Variants in OR13G1 observed in about 807,000 individuals in gnomAD.
OR13G1 encodes olfactory receptor family 13 subfamily G member 1.
For missense variants in OR13G1, 369 were observed against 385.7 expected (o/e 0.96, Z 0.36); for synonymous variants, 128 against 136.2 (o/e 0.94, Z 0.42).
Position 247,672,522 on chromosome 1 carries a change from A to G in OR13G1, c.520T>C (p.Phe174Leu). The G allele has an allele frequency of 6.2e-7, 1 of 1,614,144 alleles. No individual in the cohort carries two copies. The highest frequency in any genetic ancestry group is 1.1e-5 in the South Asian group (1 of 91,082). ...AGCAATGGGGGTATCTCACAGAAGA[A>G]GTGGTCAATGGTGTTTGGCCCACAG... ...TFCGPNTIDH[F>L]FCEIPPLLAL... The change falls in exon 2 of 2, where the codon TTC (phenylalanine) becomes CTC (leucine). Residue 174 changes from phenylalanine (F) to leucine (L), a missense_variant. Phe to Leu is a conservative substitution (Grantham distance 22). Transcript: ENST00000642119.
intron 1 of OR13G1, among the ~76,000 whole-genome samples, chr1:247,677,483 C>T (rs1252324124): frequency 6.6e-6 from 1 of 152,106 alleles, no homozygotes; most frequent in East Asian, 1.9e-4. Flanking sequence ...CAGGCACCAC[C>T]TGGTTTGTAG....
chr1:247,672,150 T>C lies in OR13G1; in HGVS notation c.892A>G (p.Ile298Val). The change falls in exon 2 of 2, where the codon ATT becomes GTT. Residue 298 changes from isoleucine (I) to valine (V), a missense_variant. Ile to Val is a conservative substitution (Grantham distance 29). Transcript: ENST00000642119. ...SFQNREMQAG[I>V]RKVFAFLKH ...TTCAGAAATGCAAACACCTTCCTAA[T>C]TCCTGCCTGCATCTCCCTATTCTGG... 1 of 1,613,928 alleles carries C rather than the reference T, an allele frequency of 6.2e-7. No homozygotes were observed. The highest frequency in any genetic ancestry group is 8.5e-7 in the Non-Finnish European group (1 of 1,179,916).
At chr1:247,673,627 A>G (rs1271546555) in intron 1 of OR13G1, among the ~76,000 whole-genome samples, 2 of 152,160 alleles carry the variant, frequency 1.3e-5, no homozygotes, top group Admixed American at 6.5e-5. Context: ...AACATTGACT[A>G]ATGTATCACA....
intron 1 of OR13G1, among the ~76,000 whole-genome samples, chr1:247,678,248 C>T (rs1327459085): frequency 6.6e-6 from 1 of 152,200 alleles, no homozygotes; most frequent in Non-Finnish European, 1.5e-5. Context: ...ACAAAATTCA[C>T]TCATGTTGCA....
At position 247,672,334 on chromosome 1, in the gene OR13G1, T is replaced by G. The variant is rs758214140; in HGVS notation, c.708A>C (p.Ser236=). The change falls in exon 2 of 2, where the codon TCA becomes TCC. Residue 236 remains serine (S), a synonymous_variant. Transcript: ENST00000642119. ...CCACTGTGAGATGAGATGAGCATGT[T>G]GAGAAGGCCTTCCTCTTGCCTTCTA... ...RTVEGKRKAF[S]TCSSHLTVVT... is the part of the protein sequence containing the mutation. The G allele has an allele frequency of 1.9e-6, 3 of 1,613,986 alleles. No individual in the cohort carries two copies. In the South Asian group the frequency reaches 3.3e-5, roughly 18 times the overall value.
chr1:247,674,347 G>T (rs1433122103), intron 1 of OR13G1, among the ~76,000 whole-genome samples: 1 of 152,110 alleles, frequency 6.6e-6, no homozygotes, highest in Non-Finnish European at 1.5e-5. Context: ...AGTTTTCAGA[G>T]ATCATATTGT....
At position 247,671,341 on chromosome 1, in the gene OR13G1, G is replaced by A. The variant is rs1358912534; in HGVS notation, c.*777C>T. ...ACTTGGGTTATGGATGAGACGCCTA[G>A]TAATACAAAAGCCATTCATGATCCT... is the stretch of plus-strand genomic sequence containing the variant. On this transcript the variant is annotated 3_prime_UTR_variant, in exon 2 of 2. Coordinates refer to ENST00000642119, the MANE Select transcript of OR13G1 (RefSeq NM_001005487.2). 1 of 151,954 alleles carries A rather than the reference G, an allele frequency of 6.6e-6. No homozygotes were observed. The highest frequency in any genetic ancestry group is 1.5e-5 in the Non-Finnish European group (1 of 68,000). 9.4% of individuals were successfully genotyped at this position (151,954 alleles called of 1,614,324 possible).
intron 1 of OR13G1, among the ~76,000 whole-genome samples, chr1:247,676,262 A>T (rs73132908): frequency 0.011 from 1,617 of 152,252 alleles, 34 homozygotes; most frequent in African/African-American, 0.037. Flanking sequence ...AGGTAAAAAT[A>T]ATTATTATTT....
In OR13G1 at chr1:247,672,188, A is replaced by G. The variant is rs1480154698; in HGVS notation, c.854T>C (p.Met285Thr). Residue 285 changes from methionine (M) to threonine (T), a missense_variant, in exon 2 of 2, where the codon ATG (methionine) becomes ACG (threonine). By Grantham distance (81) the Met-to-Thr change is moderately conservative (BLOSUM62 -1). Coordinates refer to ENST00000642119, the MANE Select transcript of OR13G1 (RefSeq NM_001005487.2). Reference sequence around the variant, plus strand: ...CTCCCTATTCTGGAAGCTGTACACCATCGGGTTTAATGTGGGAGTCACAAG... The same window carrying G: ...CTCCCTATTCTGGAAGCTGTACACCGTCGGGTTTAATGTGGGAGTCACAAG... Reference protein sequence around the residue: ...YTLVTPTLNPMVYSFQNREMQ... With the variant: ...YTLVTPTLNPTVYSFQNREMQ... 1 of 1,614,084 alleles carries G rather than the reference A, an allele frequency of 6.2e-7. No individual in the cohort carries two copies. Among genetic ancestry groups the G allele is most frequent in the Non-Finnish European group, 8.5e-7 (1 of 1,179,978 alleles).
In OR13G1 at chr1:247,672,564, T is replaced by A; in HGVS notation, c.478A>T (p.Ile160Phe). The change falls in exon 2 of 2, where the codon ATC becomes TTC. Residue 160 changes from isoleucine to phenylalanine, a missense_variant. Physicochemically the swap from Ile to Phe is conservative, Grantham distance 21 (BLOSUM62 0). Coordinates refer to ENST00000642119, the MANE Select transcript of OR13G1 (RefSeq NM_001005487.2). Reference protein sequence around the residue: ...VTNSWVHTALIMRLTFCGPNT... With the variant: ...VTNSWVHTALFMRLTFCGPNT... ...GGCCCACAGAAAGTCAACCTCATGA[T>A]AAGAGCTGTGTGCACCCAGGAATTG... 2 of 1,614,026 alleles carry A rather than the reference T, an allele frequency of 1.2e-6. No homozygotes were observed. The highest frequency in any genetic ancestry group is 8.5e-7 in the Non-Finnish European group (1 of 1,180,012).
intron 1 of OR13G1, among the ~76,000 whole-genome samples, 154 bp downstream of exon 1, chr1:247,679,486 T>TG (rs1659421160): frequency 6.9e-6 from 1 of 144,520 alleles, no homozygotes; most frequent in Non-Finnish European, 1.5e-5. Context: ...CGCGGATGGA[T>TG]TGTGTGTGTG....
chr1:247,677,805 A>G (rs1411996295), intron 1 of OR13G1, among the ~76,000 whole-genome samples: 1 of 152,192 alleles, frequency 6.6e-6, no homozygotes, highest in African/African-American at 2.4e-5. Flanking sequence ...TCATGAGGAT[A>G]AGTTTAAGAA....
chr1:247,674,939 G>A (rs1274591678), intron 1 of OR13G1, among the ~76,000 whole-genome samples: 1 of 152,016 alleles, frequency 6.6e-6, no homozygotes. Flanking sequence ...TTTTGAATAC[G>A]AGATGATTTG....
At chr1:247,679,614 T>TA (rs1659424626) in intron 1 of OR13G1, 26 bp downstream of exon 1, 1 of 151,906 alleles carries the variant, frequency 6.6e-6, no homozygotes, top group African/African-American at 2.4e-5. Context: ...ACTTAAGAAT[T>TA]AGACAGTCTG....
At chr1:247,674,606 C>A (rs1029091812) in intron 1 of OR13G1, among the ~76,000 whole-genome samples, 3 of 152,148 alleles carry the variant, frequency 2.0e-5, no homozygotes, top group Non-Finnish European at 4.4e-5. Context: ...GTTACAGCCA[C>A]CATTATTTGG....
chr1:247,673,779 A>C (rs1439877391), intron 1 of OR13G1, among the ~76,000 whole-genome samples: 6 of 152,124 alleles, frequency 3.9e-5, no homozygotes, highest in Admixed American at 1.3e-4. Flanking sequence ...AAAATATAAA[A>C]TGTAGGGTTG....
chr1:247,672,039 A>G lies in OR13G1; in HGVS notation c.*79T>C. ...GGAAGGGAAAATTGGAGTGGAGGTA[A>G]GTATGAAAAACCAGTAAAATCTGAG... On this transcript the variant is annotated 3_prime_UTR_variant, in exon 2 of 2. Transcript: ENST00000642119. 8.5e-7 allele frequency: 1 copy of G among 1,173,500 alleles called. No homozygotes were observed. The highest frequency in any genetic ancestry group is 1.5e-5 in the South Asian group (1 of 68,026). The allele number at this position is 1,173,500 out of a possible 1,614,324, so 72.7% of individuals were successfully genotyped here.
At chr1:247,679,023 T>TA (rs1491545792) in intron 1 of OR13G1, among the ~76,000 whole-genome samples, 5 of 104,994 alleles carry the variant, frequency 4.8e-5, no homozygotes, top group African/African-American at 1.7e-4. Context: ...TTGGAAGAAA[T>TA]CTTTTTTTTT....
chr1:247,679,485 ATTGTGTGT>A (rs1332925785), intron 1 of OR13G1, among the ~76,000 whole-genome samples, 147 bp downstream of exon 1: 2 of 90,516 alleles, frequency 2.2e-5, no homozygotes, highest in East Asian at 3.0e-4. Context: ...CCGCGGATGG[ATTGTGTGT>A]GTGTGTGTGT....
Sources: gnomAD v4.1 joint callset for allele counts (sites outside exome capture counted in the v4.1 genomes callset) on GRCh38, gnomAD v4.1.1 for gene constraint, MANE v1.5 for transcripts, NCBI Gene and HGNC (gene_info 2026-07-23, HGNC 2026-07-21) for gene names.